FRMD3: variants seen among roughly 807,000 people sequenced by gnomAD.
The protein encoded by FRMD3 is FERM domain-containing protein 3.
In FRMD3, 33 loss-of-function variants were observed where a neutral mutation model predicts 70.2. The ratio of observed to expected loss-of-function variants is 0.47; its 90% CI spans 0.36 to 0.63. The LOEUF is 0.63. FRMD3 is among the 20% of genes least tolerant of loss of function. The probability of loss-of-function intolerance (pLI) is 0.00; values close to 1 mark genes in which losing one functional copy is unlikely to be tolerated. For synonymous variants in FRMD3, 279 were observed against 255.9 expected (o/e 1.09, Z -0.86); for missense variants, 632 against 711.4 (o/e 0.89, Z 1.27).
In FRMD3 at chr9:83,537,500, C is replaced by T. The variant is rs556141427; in HGVS notation, c.147+585G>A. ...CCCTCAAGGCTGGCGCCCAGGGCAG[C>T]CCGGCCTCTCTCACTCTGGGGAAAC... On this transcript the variant is annotated intron_variant, in intron 1 of 13. Transcript: ENST00000304195. This position sits in a 1 kb window ranked among gnomAD's most constrained non-coding sequence, Gnocchi z 4.1. Among the ~76,000 whole-genome samples, 2 of 152,370 alleles carry T rather than the reference C, an allele frequency of 1.3e-5. No individual in the cohort carries two copies. The highest frequency in any genetic ancestry group is 4.8e-5 in the African/African-American group (2 of 41,602).
At chr9:83,311,829 G>T (rs1835366893) in intron 8 of FRMD3, 58 bp downstream of exon 8, 1 of 1,202,208 alleles carries the variant, frequency 8.3e-7, no homozygotes, top group Non-Finnish European at 1.2e-6. Context: ...GCCAAGGAGG[G>T]GACGGAGGAA....
At chr9:83,522,637 C>T (rs1459942102) in intron 1 of FRMD3, among the ~76,000 whole-genome samples, 4 of 149,220 alleles carry the variant, frequency 2.7e-5, no homozygotes, top group African/African-American at 9.9e-5. Flanking sequence ...GATCTCGGCT[C>T]ACTGCAAGCT....
At chr9:83,498,273 G>A (rs1323747464) in intron 1 of FRMD3, among the ~76,000 whole-genome samples, 2 of 152,168 alleles carry the variant, frequency 1.3e-5, no homozygotes, top group African/African-American at 4.8e-5. Context: ...AGTCTCTCCA[G>A]AGCAGAGGGA....
intron 1 of FRMD3, among the ~76,000 whole-genome samples, chr9:83,442,257 T>C (rs1827321575): frequency 1.2e-5 from 1 of 85,986 alleles, no homozygotes; most frequent in African/African-American, 8.5e-5. Context: ...TACAGATCTT[T>C]TTTTTTTTTT....
intron 10 of FRMD3, among the ~76,000 whole-genome samples, chr9:83,299,795 C>T (rs1035439536): frequency 1.3e-5 from 2 of 152,204 alleles, no homozygotes; most frequent in Non-Finnish European, 2.9e-5. Context: ...CTAAGATACA[C>T]GAGGCAGAAG....
intron 12 of FRMD3, among the ~76,000 whole-genome samples, chr9:83,293,931 A>G (rs1417002536): frequency 6.6e-6 from 1 of 152,226 alleles, no homozygotes; most frequent in Non-Finnish European, 1.5e-5. Flanking sequence ...CTGAAGCACA[A>G]AGAATCCAGG....
chr9:83,347,297 T>C (rs1823994217), intron 4 of FRMD3, among the ~76,000 whole-genome samples: 2 of 109,480 alleles, frequency 1.8e-5, no homozygotes, highest in South Asian at 6.1e-4. Context: ...AGGATGCTCA[T>C]TTTTTTTATA....
intron 1 of FRMD3, among the ~76,000 whole-genome samples, chr9:83,415,986 T>A (rs942753282): frequency 2.6e-5 from 4 of 152,172 alleles, no homozygotes; most frequent in African/African-American, 7.2e-5. Context: ...CAAACTCCCT[T>A]CAGAACCAGC....
At chr9:83,422,851 A>G (rs565529017) in intron 1 of FRMD3, among the ~76,000 whole-genome samples, 2 of 152,374 alleles carry the variant, frequency 1.3e-5, no homozygotes, top group East Asian at 3.9e-4. Flanking sequence ...AAGGAGTCTT[A>G]AAGTTACAGA....
chr9:83,456,427 C>A (rs11140102), intron 1 of FRMD3, among the ~76,000 whole-genome samples: 24,175 of 152,078 alleles, frequency 0.16, 1,955 homozygotes, highest in East Asian at 0.2. Context: ...AGAAATGGAA[C>A]TGTTGAGTCA....
chr9:83,454,957 T>A (rs1203419928), intron 1 of FRMD3, among the ~76,000 whole-genome samples: 1 of 129,330 alleles, frequency 7.7e-6, no homozygotes, highest in East Asian at 2.1e-4. Context: ...TAAGATCCTG[T>A]CTCAAAAAAA....
chr9:83,272,152 T>C (rs1833580518), intron 13 of FRMD3, among the ~76,000 whole-genome samples: 1 of 149,732 alleles, frequency 6.7e-6, no homozygotes, highest in South Asian at 2.2e-4. Flanking sequence ...CTCTGATGCC[T>C]AGCTGAAGCT....
chr9:83,493,056 G>A (rs1223079833), intron 1 of FRMD3, among the ~76,000 whole-genome samples: 1 of 152,050 alleles, frequency 6.6e-6, no homozygotes, highest in East Asian at 1.9e-4. Flanking sequence ...CTTTGGGGAG[G>A]AGAAGCACCC....
chr9:83,244,415 G>A (rs1350922389), downstream of FRMD3, among the ~76,000 whole-genome samples: 1 of 151,902 alleles, frequency 6.6e-6, no homozygotes, highest in South Asian at 2.1e-4. Context: ...TTATGTTTGA[G>A]CATATTTTCA....
At chr9:83,270,990 T>A (rs1190647136) in intron 13 of FRMD3, among the ~76,000 whole-genome samples, 1 of 152,204 alleles carries the variant, frequency 6.6e-6, no homozygotes, top group Non-Finnish European at 1.5e-5. Context: ...TATTGCTGGT[T>A]GTGAGGAGTT....
chr9:83,284,808 C>T (rs186629826), intron 13 of FRMD3, among the ~76,000 whole-genome samples: 6 of 152,238 alleles, frequency 3.9e-5, no homozygotes, highest in East Asian at 1.9e-4. Context: ...AGAATGTTCA[C>T]GTCAGACAGG....
intron 1 of FRMD3, among the ~76,000 whole-genome samples, chr9:83,456,275 A>C (rs768408179): frequency 9.2e-5 from 14 of 152,200 alleles, no homozygotes; most frequent in Non-Finnish European, 1.8e-4. Flanking sequence ...GGCCGCATCC[A>C]TTGTATAGGT....
rs72745029 is a variant in FRMD3 at position 83,393,171 on chromosome 9, T to C, written c.148-3463A>G. On this transcript the variant is annotated intron_variant, in intron 1 of 13. Coordinates refer to ENST00000304195, the MANE Select transcript of FRMD3 (RefSeq NM_174938.6). ...GCACTGACAGGGTTGAAAGAATTTG[T>C]TCAACTACACAACTTAACTTGTGTC... 2.7e-3 allele frequency among the ~76,000 whole-genome samples: 415 copies of C among 152,314 alleles called. 3 individuals carry two copies. The highest frequency in any genetic ancestry group is 3.6e-3 in the Non-Finnish European group (244 of 68,032).
At chr9:83,440,577 C>T (rs767437173) in intron 1 of FRMD3, among the ~76,000 whole-genome samples, 2 of 152,124 alleles carry the variant, frequency 1.3e-5, no homozygotes, top group African/African-American at 2.4e-5. Flanking sequence ...GATCACAGGA[C>T]GAGGGGCAAC....
Sources: gnomAD v4.1 joint callset for allele counts (sites outside exome capture counted in the v4.1 genomes callset) on GRCh38, gnomAD v4.1.1 for gene constraint, Gnocchi (gnomAD v3.1) non-coding constraint, MANE v1.5 for transcripts, NCBI Gene and HGNC (gene_info 2026-07-23, HGNC 2026-07-21) for gene names.